WDR41: variants seen among roughly 807,000 people sequenced by gnomAD.
WDR41 encodes the protein WD repeat domain 41, also known as WD repeat-containing protein 41.
Under a neutral mutation model 69.3 loss-of-function variants are expected in WDR41, and 63 were observed. The ratio of observed to expected loss-of-function variants is 0.91; its 90% CI spans 0.74 to 1.12. WDR41 has a LOEUF of 1.12. WDR41 is among the 50% of genes most tolerant of loss of function. WDR41 has a pLI of 0.00. For synonymous variants in WDR41, 185 were observed against 192.1 expected (o/e 0.96, Z 0.31); for missense variants, 543 against 534.5 (o/e 1.02, Z -0.16).
chr5:77,545,906 G>C, intron 1 of WDR41: 1 of 523,492 alleles, frequency 1.9e-6, no homozygotes, highest in Non-Finnish European at 3.3e-6. Context: ...GGGGGAACAA[G>C]ATTGGAAAGC....
chr5:77,546,826 A>G (rs920734211), intron 1 of WDR41, among the ~76,000 whole-genome samples: 1 of 152,146 alleles, frequency 6.6e-6, no homozygotes, highest in African/African-American at 2.4e-5. Context: ...ACCAAAAGTG[A>G]AAACTACAGA....
At chr5:77,599,142 A>G (rs1744280144) in intron 1 of WDR41, among the ~76,000 whole-genome samples, 1 of 149,564 alleles carries the variant, frequency 6.7e-6, no homozygotes, top group Admixed American at 6.7e-5. Flanking sequence ...TTCTATTGAT[A>G]GAATTATGTC....
intron 2 of WDR41, among the ~76,000 whole-genome samples, chr5:77,475,947 C>T (rs972427856): frequency 1.1e-4 from 16 of 151,968 alleles, no homozygotes; most frequent in Non-Finnish European, 1.9e-4. Flanking sequence ...GAATGTATAA[C>T]TAGAATAACC....
intron 1 of WDR41, among the ~76,000 whole-genome samples, chr5:77,503,727 C>T (rs1802056299): frequency 6.6e-6 from 1 of 152,172 alleles, no homozygotes; most frequent in African/African-American, 2.4e-5. Context: ...GAAACTCACT[C>T]AAAACCACTC....
chr5:77,485,977 A>C (rs758443207), intron 2 of WDR41, among the ~76,000 whole-genome samples: 4 of 152,228 alleles, frequency 2.6e-5, no homozygotes, highest in Non-Finnish European at 4.4e-5. Flanking sequence ...ATGTCTTCAA[A>C]AACTAAGAAA....
intron 2 of WDR41, among the ~76,000 whole-genome samples, chr5:77,477,264 A>G (rs896518118): frequency 1.3e-5 from 2 of 151,044 alleles, no homozygotes; most frequent in African/African-American, 2.5e-5. Flanking sequence ...AGACAGATCA[A>G]CGAGACAGAA....
chr5:77,476,665 T>G (rs1487487098), intron 2 of WDR41, among the ~76,000 whole-genome samples: 1 of 151,684 alleles, frequency 6.6e-6, no homozygotes, highest in Non-Finnish European at 1.5e-5. Context: ...AAAGAGCTCC[T>G]GAAGGAAGTG....
chr5:77,434,017 C>T (rs183200705), intron 12 of WDR41, among the ~76,000 whole-genome samples: 7 of 152,050 alleles, frequency 4.6e-5, no homozygotes, highest in Admixed American at 2.6e-4. Context: ...ATGAGGTCCT[C>T]GAAGGAAAGG....
intron 1 of WDR41, among the ~76,000 whole-genome samples, chr5:77,616,272 G>A (rs1184477078): frequency 6.6e-6 from 1 of 152,118 alleles, no homozygotes; most frequent in Admixed American, 6.5e-5. Context: ...TAACTAGCCT[G>A]TGATAAATAT....
intron 8 of WDR41, among the ~76,000 whole-genome samples, chr5:77,443,876 CTTTTTTT>C (rs746105630): frequency 0.16 from 17,045 of 105,430 alleles, 871 homozygotes; most frequent in South Asian, 0.22. Flanking sequence ...TCAATCAGCA[CTTTTTTT>C]TTTTTTTTTT....
upstream of WDR41, among the ~76,000 whole-genome samples, chr5:77,492,951 G>C (rs1581771537): frequency 6.6e-6 from 1 of 152,174 alleles, no homozygotes; most frequent in Admixed American, 6.5e-5. Context: ...TAGTGTTCTT[G>C]ACCGTATGCT....
chr5:77,573,717 A>G (rs1176782627), intron 1 of WDR41, among the ~76,000 whole-genome samples: 1 of 152,186 alleles, frequency 6.6e-6, no homozygotes, highest in African/African-American at 2.4e-5. Context: ...AAGGAGATTA[A>G]AAGAGACTAA....
intron 1 of WDR41, among the ~76,000 whole-genome samples, chr5:77,606,152 G>T (rs1355727848): frequency 1.3e-5 from 2 of 152,078 alleles, no homozygotes; most frequent in African/African-American, 4.8e-5. Flanking sequence ...ATCAAAATTA[G>T]CTGTTTACAC....
chr5:77,478,111 C>A (rs187695155), intron 2 of WDR41, among the ~76,000 whole-genome samples: 10 of 151,940 alleles, frequency 6.6e-5, no homozygotes, highest in South Asian at 2.1e-4. Flanking sequence ...TACACCCTCC[C>A]AAGACTAAAC....
chr5:77,590,087 G>GT (rs1310693458), intron 1 of WDR41, among the ~76,000 whole-genome samples: 16 of 151,926 alleles, frequency 1.1e-4, no homozygotes, highest in Admixed American at 1.0e-3. Context: ...TATGGAGGAG[G>GT]TTTTTTGTCT....
At chr5:77,474,242 A>G (rs1800775573) in intron 2 of WDR41, among the ~76,000 whole-genome samples, 1 of 151,942 alleles carries the variant, frequency 6.6e-6, no homozygotes, top group Non-Finnish European at 1.5e-5. Context: ...CAATGAGAAC[A>G]CATGGACCCA....
intron 1 of WDR41, among the ~76,000 whole-genome samples, chr5:77,620,084 A>C (rs1043757865): frequency 5.3e-5 from 8 of 152,144 alleles, no homozygotes; most frequent in Non-Finnish European, 2.9e-5. Flanking sequence ...CCGTGTTCCC[A>C]CCTACCAAAG....
chr5:77,527,947 T>G (rs936532545), intron 1 of WDR41, among the ~76,000 whole-genome samples: 2 of 151,736 alleles, frequency 1.3e-5, no homozygotes, highest in Admixed American at 6.6e-5. Flanking sequence ...TGTACACCAT[T>G]AAATGCACAC....
At chr5:77,521,349 T>C (rs985238306) in intron 1 of WDR41, among the ~76,000 whole-genome samples, 1 of 152,214 alleles carries the variant, frequency 6.6e-6, no homozygotes, top group Admixed American at 6.5e-5. Flanking sequence ...CAGGCAGTAA[T>C]GCCGGCTCCC....
Sources: allele counts gnomAD v4.1 joint callset (sites outside exome capture counted in the v4.1 genomes callset), GRCh38; gene constraint gnomAD v4.1.1; transcripts MANE v1.5; gene names NCBI Gene and HGNC (gene_info 2026-07-23, HGNC 2026-07-21).